The following PTPRJ variants were observed in gnomAD, a reference collection of about 807,000 sequenced individuals.
PTPRJ encodes the protein receptor-type tyrosine-protein phosphatase eta.
In PTPRJ, 129 loss-of-function variants were observed where a neutral mutation model predicts 141.3. The observed-to-expected ratio is 0.91, with a 90% CI of 0.79 to 1.06. The LOEUF (loss-of-function observed/expected upper bound fraction) is 1.06. Ranked by LOEUF, PTPRJ falls within the 50% of genes least tolerant of loss-of-function variation. PTPRJ has a pLI of 0.00. For missense variants in PTPRJ, 1,601 were observed against 1,679.7 expected (o/e 0.95, Z 0.82); for synonymous variants, 610 against 640.5 (o/e 0.95, Z 0.72).
At chr11:47,995,395 G>A (rs1488101285) in intron 1 of PTPRJ, among the ~76,000 whole-genome samples, 1 of 152,144 alleles carries the variant, frequency 6.6e-6, no homozygotes, top group Non-Finnish European at 1.5e-5. Context: ...GAATGGGAGG[G>A]TCTACATAGG....
intron 15 of PTPRJ, among the ~76,000 whole-genome samples, chr11:48,147,831 CA>C (rs1857386678): frequency 6.6e-6 from 1 of 151,892 alleles, no homozygotes; most frequent in African/African-American, 2.4e-5. Flanking sequence ...GCTCATGCTC[CA>C]GCTTTTAGGT....
intron 1 of PTPRJ, among the ~76,000 whole-genome samples, chr11:48,055,565 C>G (rs1854731033): frequency 6.6e-6 from 1 of 152,180 alleles, no homozygotes; most frequent in African/African-American, 2.4e-5. Context: ...AGAGCAGTGC[C>G]ACCCTCTACT....
At position 48,145,090 on chromosome 11, in the gene PTPRJ, C is replaced by T. The variant is rs34300475; in HGVS notation, c.2877C>T (p.Arg959=). 9.5e-3 allele frequency: 15,308 copies of T among 1,614,112 alleles called. 1,233 individuals are homozygous for T. The African/African-American group carries it at 0.18, about 19-fold the overall frequency. Residue 959 remains arginine, a synonymous_variant, in exon 14 of 25, where the codon CGC becomes CGT. Transcript: ENST00000418331. The stretch of plus-strand genomic sequence containing the variant: ...CTGAGAGCTATGTGTCCTTCAGTCG[C>T]TACTCAGATGCTGTTTCCTTGCCCC... ...DGAESYVSFS[R]YSDAVSLPQD...
At chr11:48,159,789 C>T (rs554132728) in intron 21 of PTPRJ, 141 bp from the exon 22 acceptor site, 149 of 1,027,506 alleles carry the variant, frequency 1.5e-4, no homozygotes, top group African/African-American at 3.2e-4. Context: ...TAAAAAAATT[C>T]GAAGGGTCAA....
chr11:48,161,680 T>C (rs1255370199), intron 22 of PTPRJ, among the ~76,000 whole-genome samples: 1 of 152,136 alleles, frequency 6.6e-6, no homozygotes, highest in East Asian at 1.9e-4. Context: ...TAGCACAATC[T>C]CAGCTCACTG....
intron 1 of PTPRJ, among the ~76,000 whole-genome samples, chr11:48,008,245 CT>C (rs1468416529): frequency 2.0e-5 from 3 of 152,156 alleles, no homozygotes; most frequent in African/African-American, 7.2e-5. Context: ...TGTTCCACAC[CT>C]TTCACCACAA....
rs542865256 is a variant in PTPRJ at position 48,139,493 on chromosome 11, G to A, written c.2160G>A (p.Ala720=). 39 of 1,613,598 alleles carry A rather than the reference G, an allele frequency of 2.4e-5. No homozygotes were observed. The highest frequency in any genetic ancestry group is 1.1e-4 in the East Asian group (5 of 44,858). ...PGRKSFCTDP[A]SMASFDCEVV... ...GCTGTACTTGCTTTGCAGATCCTGCGTCCATGGCCTCCTTCGACTGCGAAG... is the reference window on the plus strand; with the variant it reads ...GCTGTACTTGCTTTGCAGATCCTGCATCCATGGCCTCCTTCGACTGCGAAG... The change falls in exon 11 of 25, where the codon GCG becomes GCA. Residue 720 remains alanine, a synonymous_variant. Transcript: ENST00000418331.
Position 48,163,460 on chromosome 11 carries a change from C to T in PTPRJ, c.3561C>T (p.Ile1187=), listed in dbSNP as rs1326844438. The T allele has an allele frequency of 3.1e-6, 5 of 1,613,776 alleles. No individual in the cohort carries two copies. In the Admixed American group the frequency reaches 8.3e-5, roughly 27 times the overall value. The change falls in exon 23 of 25, where the codon ATC becomes ATT. Residue 1187 remains isoleucine, a splice_region_variant and synonymous_variant. Coordinates refer to ENST00000418331, the MANE Select transcript of PTPRJ (RefSeq NM_002843.4). ...WTIRDFTVKN[I]QTSESHPLRQ... ...TAAATCATTTTCTGGGCTTTTAGAT[C>T]CAGACAAGTGAGAGTCACCCTCTGA...
Position 48,149,459 on chromosome 11 carries a change from G to C in PTPRJ, c.3012G>C (p.Lys1004Asn). 3 of 1,519,428 alleles carry C rather than the reference G, an allele frequency of 2.0e-6. No individual in the cohort carries two copies. Among genetic ancestry groups the C allele is most frequent in the Non-Finnish European group, 2.7e-6 (3 of 1,107,326 alleles). The allele number at this position is 1,519,428 out of a possible 1,614,324, so 94.1% of individuals were successfully genotyped here. ...IFWRKKRKDA[K>N]NNEVSFSQIK... ...TCTCTTAAAACAGGAAAGATGCAAA[G>C]AATAATGAAGTGTCCTTTTCTCAAA... is the stretch of plus-strand genomic sequence containing the variant. Residue 1004 changes from lysine to asparagine, a missense_variant, in exon 16 of 25, where the codon AAG becomes AAC. Physicochemically the swap from Lys to Asn is moderately conservative, Grantham distance 94. Transcript: ENST00000418331.
chr11:47,987,915 A>G (rs1412575600), intron 1 of PTPRJ, among the ~76,000 whole-genome samples: 3 of 152,242 alleles, frequency 2.0e-5, no homozygotes, highest in Non-Finnish European at 4.4e-5. Context: ...GTCAGCTCCC[A>G]CAGAAGGTCT....
chr11:48,131,101 A>T (rs1856972380), intron 8 of PTPRJ, among the ~76,000 whole-genome samples: 1 of 86,848 alleles, frequency 1.2e-5, no homozygotes, highest in African/African-American at 4.5e-5. Flanking sequence ...TTTTTTTGAG[A>T]CAGTCTTACC....
At chr11:48,118,396 AAAG>A (rs1405813218) in intron 3 of PTPRJ, among the ~76,000 whole-genome samples, 2 of 152,176 alleles carry the variant, frequency 1.3e-5, no homozygotes, top group Non-Finnish European at 2.9e-5. Context: ...CCAAACCTTT[AAAG>A]AAGATCTAAT....
At chr11:47,982,790 C>A (rs1464713919) in intron 1 of PTPRJ, among the ~76,000 whole-genome samples, 1 of 151,950 alleles carries the variant, frequency 6.6e-6, no homozygotes, top group Non-Finnish European at 1.5e-5. Flanking sequence ...TTGCTCAATC[C>A]TTCCTTGTAT....
chr11:48,017,525 A>G (rs1854982249), intron 1 of PTPRJ, among the ~76,000 whole-genome samples: 1 of 152,222 alleles, frequency 6.6e-6, no homozygotes. Context: ...AATGCAGTGT[A>G]GATGTAAATT....
chr11:48,074,898 C>G (rs1855359753), intron 1 of PTPRJ, among the ~76,000 whole-genome samples: 1 of 152,038 alleles, frequency 6.6e-6, no homozygotes, highest in South Asian at 2.1e-4. Context: ...AATCTCACCT[C>G]CAAAAATTTT....
At chr11:48,155,461 G>A (rs952242365) in intron 19 of PTPRJ, among the ~76,000 whole-genome samples, 10 of 152,162 alleles carry the variant, frequency 6.6e-5, no homozygotes, top group Non-Finnish European at 1.5e-4. Context: ...TTCCCTCATG[G>A]TAGACACCTG....
chr11:48,001,272 C>T (rs2069467814), intron 1 of PTPRJ, among the ~76,000 whole-genome samples: 2 of 151,830 alleles, frequency 1.3e-5, no homozygotes, highest in South Asian at 4.1e-4. Context: ...AGATTACAGG[C>T]ATGAGCCATT....
At position 48,163,509 on chromosome 11, in the gene PTPRJ, C is replaced by G. The variant is rs766514945; in HGVS notation, c.3610C>G (p.Pro1204Ala). 4.3e-6 allele frequency: 7 copies of G among 1,613,964 alleles called. No individual in the cohort carries two copies. Among genetic ancestry groups the G allele is most frequent in the Non-Finnish European group, 5.9e-6 (7 of 1,179,898 alleles). ...PLRQFHFTSWPDHGVPDTTDL... is the reference protein window; with the variant it reads ...PLRQFHFTSWADHGVPDTTDL... ...GAGACAGTTCCATTTCACCTCCTGG[C>G]CAGACCACGGTGTTCCCGACACCAC... The change falls in exon 23 of 25, where the codon CCA (proline) becomes GCA (alanine). Residue 1204 changes from proline to alanine, a missense_variant. By Grantham distance (27) the Pro-to-Ala change is conservative. Coordinates refer to ENST00000418331, the MANE Select transcript of PTPRJ (RefSeq NM_002843.4).
chr11:47,999,583 C>G (rs1450633058), intron 1 of PTPRJ, among the ~76,000 whole-genome samples: 1 of 152,174 alleles, frequency 6.6e-6, no homozygotes, highest in Non-Finnish European at 1.5e-5. Context: ...TGGAGGCTCC[C>G]TCCCCAGACC....
Sources: gnomAD v4.1 joint callset for allele counts (sites outside exome capture counted in the v4.1 genomes callset) on GRCh38, gnomAD v4.1.1 for gene constraint, MANE v1.5 for transcripts, NCBI Gene and HGNC (gene_info 2026-07-23, HGNC 2026-07-21) for gene names.